Variants in ZFHX3 observed in about 807,000 individuals in gnomAD.
ZFHX3 encodes zinc finger homeobox protein 3.
ZFHX3 carries 42 observed loss-of-function variants against 279.1 expected under a neutral mutation model. The ratio of observed to expected loss-of-function variants is 0.15; its 90% CI spans 0.12 to 0.19. The LOEUF (loss-of-function observed/expected upper bound fraction) is 0.19. Ranked by LOEUF, ZFHX3 falls within the 10% of genes least tolerant of loss-of-function variation. The pLI is 1.00. For missense variants in ZFHX3, 4,981 were observed against 4,754.0 expected, an observed-to-expected ratio of 1.05 and a Z score of -1.40; for synonymous variants, 2,293 against 1,957.8, an observed-to-expected ratio of 1.17 and a Z score of -4.52.
chr16:73,462,388 A>T (rs2018487595), intron 2 of ZFHX3, among the ~76,000 whole-genome samples: 1 of 152,022 alleles, frequency 6.6e-6, no homozygotes, highest in African/African-American at 2.4e-5. Flanking sequence ...TTCCTTTCTT[A>T]TCTGTGTACC....
chr16:73,791,874 A>T (rs964182600), intron 1 of ZFHX3, among the ~76,000 whole-genome samples: 1 of 152,222 alleles, frequency 6.6e-6, no homozygotes, highest in Non-Finnish European at 1.5e-5. Flanking sequence ...ATTCTCAAGT[A>T]TTGTCTTCTC....
intron 4 of ZFHX3, among the ~76,000 whole-genome samples, chr16:73,298,726 C>A (rs62054722): frequency 0.073 from 11,086 of 152,192 alleles, 524 homozygotes; most frequent in Non-Finnish European, 0.1. Flanking sequence ...TCCACTTAGA[C>A]AGGCATGGGG....
At chr16:73,649,504 GA>G (rs2052651148) in intron 2 of ZFHX3, among the ~76,000 whole-genome samples, 1 of 152,180 alleles carries the variant, frequency 6.6e-6, no homozygotes, top group Admixed American at 6.5e-5. Flanking sequence ...CTTTGGGTAA[GA>G]TTATAGGTAT....
chr16:73,469,753 G>A (rs1597347460), intron 2 of ZFHX3, among the ~76,000 whole-genome samples: 1 of 152,074 alleles, frequency 6.6e-6, no homozygotes. Context: ...AAGTAGCTGG[G>A]ATTACAGGCT....
chr16:73,740,252 A>T (rs905920369), intron 1 of ZFHX3, among the ~76,000 whole-genome samples: 8 of 151,742 alleles, frequency 5.3e-5, no homozygotes, highest in Admixed American at 2.0e-4. Flanking sequence ...TCCTCTACAC[A>T]CTCCTTGGGC....
intron 1 of ZFHX3, among the ~76,000 whole-genome samples, chr16:73,758,626 A>T (rs1357538684): frequency 6.6e-6 from 1 of 152,196 alleles, no homozygotes; most frequent in Non-Finnish European, 1.5e-5. Flanking sequence ...GGGGAAGGAT[A>T]AGTGGCCTGG....
intron 1 of ZFHX3, among the ~76,000 whole-genome samples, chr16:73,869,738 G>T (rs1483237999): frequency 6.6e-6 from 1 of 152,204 alleles, no homozygotes; most frequent in Non-Finnish European, 1.5e-5. Flanking sequence ...AGCTGTGGAG[G>T]TAACAGTATT....
At chr16:72,846,959 T>C (rs908531694) in intron 4 of ZFHX3, among the ~76,000 whole-genome samples, 9 of 152,154 alleles carry the variant, frequency 5.9e-5, no homozygotes, top group African/African-American at 2.2e-4. Flanking sequence ...ACCATCGTGC[T>C]CTGAAGCCTC....
At chr16:72,829,668 G>A in intron 5 of ZFHX3, 111 bp downstream of exon 5, 1 of 1,195,696 alleles carries the variant, frequency 8.4e-7, no homozygotes, top group South Asian at 1.3e-5. Context: ...GGCAGACTAA[G>A]GATGTATCCG....
chr16:73,155,187 A>C (rs922487874), intron 5 of ZFHX3, among the ~76,000 whole-genome samples: 16 of 151,682 alleles, frequency 1.1e-4, no homozygotes, highest in East Asian at 5.8e-4. Context: ...AAACAAAAAA[A>C]AAAAAAACAA....
chr16:73,246,743 T>G (rs1458486667), intron 5 of ZFHX3, among the ~76,000 whole-genome samples: 1 of 152,248 alleles, frequency 6.6e-6, no homozygotes, highest in Non-Finnish European at 1.5e-5. Flanking sequence ...AGGGTACACT[T>G]TTTCACTTTT....
intron 4 of ZFHX3, among the ~76,000 whole-genome samples, chr16:72,884,556 T>A (rs939432740): frequency 1.3e-5 from 2 of 152,144 alleles, no homozygotes; most frequent in Admixed American, 1.3e-4. Flanking sequence ...TTTAATTACA[T>A]GCATGTAAAA....
chr16:73,374,039 G>A (rs535386778), intron 3 of ZFHX3, among the ~76,000 whole-genome samples: 1 of 152,322 alleles, frequency 6.6e-6, no homozygotes, highest in South Asian at 2.1e-4. Flanking sequence ...AAACTGGGAT[G>A]CGGCAGATTT....
At chr16:73,306,748 T>G (rs1490914704) in intron 4 of ZFHX3, among the ~76,000 whole-genome samples, 2 of 152,214 alleles carry the variant, frequency 1.3e-5, no homozygotes, top group African/African-American at 4.8e-5. Context: ...GGCCCAGCAG[T>G]GACAGGCTGC....
At chr16:73,127,051 C>CA in intron 7 of ZFHX3, 1 of 235,446 alleles carries the variant, frequency 4.2e-6, no homozygotes, top group South Asian at 5.1e-5. Flanking sequence ...CTTGACTCTC[C>CA]AATTTCAGCT....
intron 5 of ZFHX3, among the ~76,000 whole-genome samples, chr16:73,147,485 G>A (rs1343415886): frequency 6.6e-6 from 1 of 151,368 alleles, no homozygotes; most frequent in Non-Finnish European, 1.5e-5. Context: ...GAGGTCAGGA[G>A]ATCGAGACCA....
intron 4 of ZFHX3, among the ~76,000 whole-genome samples, chr16:73,315,217 A>G (rs72799403): frequency 0.12 from 17,730 of 145,080 alleles, 950 homozygotes; most frequent in South Asian, 0.22. Context: ...CCATCTCAAA[A>G]AGAAAAAAAA....
intron 2 of ZFHX3, among the ~76,000 whole-genome samples, chr16:73,611,690 T>A (rs1206624527): frequency 1.3e-5 from 2 of 152,220 alleles, no homozygotes; most frequent in African/African-American, 4.8e-5. Context: ...GGATTCTCAA[T>A]TATACTTCAT....
At chr16:73,740,317 G>A (rs986493824) in intron 1 of ZFHX3, among the ~76,000 whole-genome samples, 3 of 152,040 alleles carry the variant, frequency 2.0e-5, no homozygotes, top group African/African-American at 4.8e-5. Context: ...AAAAGTGACT[G>A]AGCAGATACG....
Sources: allele counts gnomAD v4.1 joint callset (sites outside exome capture counted in the v4.1 genomes callset), GRCh38; gene constraint gnomAD v4.1.1; transcripts MANE v1.5; gene names NCBI Gene and HGNC (gene_info 2026-07-23, HGNC 2026-07-21).